Variants in CCDC141 observed in about 807,000 individuals in gnomAD.
CCDC141 encodes coiled-coil domain containing 141.
Under a neutral mutation model 181.0 loss-of-function variants are expected in CCDC141, and 168 were observed. The ratio of observed to expected loss-of-function variants is 0.93; its 90% CI spans 0.82 to 1.05. The LOEUF (loss-of-function observed/expected upper bound fraction) is 1.05. CCDC141 is among the 50% of genes least tolerant of loss of function. The pLI, the probability that CCDC141 is intolerant of heterozygous loss-of-function variation, is 0.00. For synonymous variants in CCDC141, 666 were observed against 642.3 expected (o/e 1.04, Z -0.56); for missense variants, 1,902 against 1,788.5 (o/e 1.06, Z -1.14).
chr2:179,001,653 G>A (rs2041983813), intron 2 of CCDC141: 1 of 152,198 alleles, frequency 6.6e-6, no homozygotes. Context: ...GGAATGGCAG[G>A]ATTAACAGAG....
chr2:178,965,199 T>G (rs1313525994), intron 4 of CCDC141, among the ~76,000 whole-genome samples: 1 of 152,154 alleles, frequency 6.6e-6, no homozygotes, highest in Non-Finnish European at 1.5e-5. Context: ...TGTTCCCCAG[T>G]GGGATGGTTT....
intron 2 of CCDC141, among the ~76,000 whole-genome samples, chr2:178,993,428 T>G (rs1363585744): frequency 1.3e-5 from 2 of 152,078 alleles, no homozygotes; most frequent in Admixed American, 1.3e-4. Flanking sequence ...GAAACTCCCA[T>G]TTTTAAAACC....
chr2:178,988,880 G>C (rs1469239508), intron 2 of CCDC141, among the ~76,000 whole-genome samples: 2 of 152,056 alleles, frequency 1.3e-5, no homozygotes, highest in Non-Finnish European at 2.9e-5. Context: ...TTTCAACAAT[G>C]GTGTCAGGAC....
At chr2:178,958,128 A>C (rs1223071939) in intron 5 of CCDC141, among the ~76,000 whole-genome samples, 1 of 152,236 alleles carries the variant, frequency 6.6e-6, no homozygotes, top group Non-Finnish European at 1.5e-5. Context: ...ACCAGGGTTT[A>C]GAGGGAAGGG....
At chr2:178,821,735 C>T in the CCDC141 span, among the ~76,000 whole-genome samples, 31 of 152,212 alleles carry the variant, frequency 2.0e-4, no homozygotes, top group Admixed American at 6.5e-4. Context: ...GTTAGAATGG[C>T]AATCATTAAA....
intron 2 of CCDC141, among the ~76,000 whole-genome samples, chr2:179,042,901 C>A (rs1270314688): frequency 6.6e-6 from 1 of 151,894 alleles, no homozygotes; most frequent in Admixed American, 6.6e-5. Context: ...CACAAAAAAA[C>A]CTTCAAAAAA....
intron 2 of CCDC141, among the ~76,000 whole-genome samples, chr2:178,984,074 G>A (rs1691583573): frequency 6.6e-6 from 1 of 151,968 alleles, no homozygotes; most frequent in Non-Finnish European, 1.5e-5. Flanking sequence ...AGAAAGGTCG[G>A]GTTACCCTCA....
At position 178,917,362 on chromosome 2, in the gene CCDC141, T is replaced by C. The variant is rs867634125; in HGVS notation, c.1092+1351A>G. Among the ~76,000 whole-genome samples the C allele has an allele frequency of 3.3e-5, 5 of 152,364 alleles. No individual in the cohort carries two copies. The South Asian group carries it at 8.3e-4, about 25-fold the overall frequency. On this transcript the variant is annotated intron_variant, in intron 7 of 23. Transcript: ENST00000443758. ...TCCCAAATGACAAATAATCTGACAA[T>C]AAATCTTTCTTTAACATTTTACCAC...
intron 2 of CCDC141, among the ~76,000 whole-genome samples, chr2:178,999,136 T>C (rs1413618051): frequency 1.3e-5 from 2 of 152,156 alleles, no homozygotes; most frequent in Non-Finnish European, 2.9e-5. Flanking sequence ...TTTTCCGTAT[T>C]GAAAAGCTCC....
intron 2 of CCDC141, among the ~76,000 whole-genome samples, chr2:178,982,727 C>A (rs1395285946): frequency 2.0e-5 from 3 of 152,160 alleles, no homozygotes; most frequent in Non-Finnish European, 4.4e-5. Context: ...AGAATCGGGT[C>A]ACTCCCACCC....
rs553948583 is a variant in CCDC141, at chr2:178,847,593, C to A, written c.3358-1851G>T. Among the ~76,000 whole-genome samples the A allele has an allele frequency of 2.0e-3, 304 of 152,200 alleles. 1 individual carries two copies. Among genetic ancestry groups the A allele is most frequent in the Non-Finnish European group, 3.2e-3 (220 of 68,006 alleles). ...ATAGTGTTAAATATTGTGTGGGACACTAAATTTAGCAGCGCCAGAGGGTTT... is the reference window on the plus strand; with the variant it reads ...ATAGTGTTAAATATTGTGTGGGACAATAAATTTAGCAGCGCCAGAGGGTTT... On this transcript the variant is annotated intron_variant, in intron 21 of 23. Transcript: ENST00000443758.
In CCDC141 at chr2:178,869,110, G is replaced by C; in HGVS notation, c.2394+7C>G. Reference sequence around the variant, plus strand: ...AGGATTTTTCAGACATCCCTTCTAAGCCTTACCTCTTCCTTGACTTGATGG... The same window carrying C: ...AGGATTTTTCAGACATCCCTTCTAACCCTTACCTCTTCCTTGACTTGATGG... On this transcript the variant is annotated splice_region_variant and intron_variant, in intron 15 of 23. Transcript: ENST00000443758. The C allele has an allele frequency of 1.3e-6, 2 of 1,554,226 alleles. No homozygotes were observed. Among genetic ancestry groups the C allele is most frequent in the Non-Finnish European group, 1.7e-6 (2 of 1,155,812 alleles).
chr2:178,948,655 A>T (rs1421179457), intron 5 of CCDC141, among the ~76,000 whole-genome samples: 2 of 152,172 alleles, frequency 1.3e-5, no homozygotes, highest in African/African-American at 4.8e-5. Context: ...CGGACCCCTC[A>T]TGAATAGATT....
intron 2 of CCDC141, among the ~76,000 whole-genome samples, chr2:178,988,063 C>T (rs1228194995): frequency 6.6e-6 from 1 of 151,964 alleles, no homozygotes; most frequent in East Asian, 1.9e-4. Context: ...AGACTTGGAA[C>T]CAACCCAGAT....
At chr2:178,966,695 C>T (rs1001869610) in intron 4 of CCDC141, among the ~76,000 whole-genome samples, 2 of 152,078 alleles carry the variant, frequency 1.3e-5, no homozygotes, top group African/African-American at 4.8e-5. Flanking sequence ...GCTGCTTCTC[C>T]TCCAAAGGAT....
At chr2:178,965,340 G>C (rs2154379370) in intron 4 of CCDC141, among the ~76,000 whole-genome samples, 1 of 152,344 alleles carries the variant, frequency 6.6e-6, no homozygotes, top group South Asian at 2.1e-4. Flanking sequence ...TGGCAAGATA[G>C]CTGAATAGGA....
chr2:178,815,958 A>G, the CCDC141 span, among the ~76,000 whole-genome samples: 3 of 152,210 alleles, frequency 2.0e-5, no homozygotes, highest in Non-Finnish European at 4.4e-5. Flanking sequence ...GTAAGTTTAA[A>G]AAACAGTAAG....
rs375508208 is a variant in CCDC141, at chr2:178,834,001, C to T, written c.*172G>A. ...TACCAAGCTTCTCAAATATATTAAA[C>T]GCTCCAGAAAATTTGATTATTTCAC... On this transcript the variant is annotated 3_prime_UTR_variant, in exon 24 of 24. Transcript: ENST00000443758. The T allele has an allele frequency of 4.8e-5, 31 of 649,382 alleles. No homozygotes were observed. Among genetic ancestry groups the T allele is most frequent in the African/African-American group, 7.3e-5 (4 of 54,678 alleles). The allele number at this position is 649,382 out of a possible 1,614,324, so 40.2% of individuals were successfully genotyped here.
At chr2:179,010,207 A>G (rs551656690) in intron 2 of CCDC141, among the ~76,000 whole-genome samples, 96 of 152,304 alleles carry the variant, frequency 6.3e-4, no homozygotes, top group African/African-American at 2.2e-3. Context: ...AGAAAATTCT[A>G]AAACCTTGGA....
Sources: allele counts gnomAD v4.1 joint callset (sites outside exome capture counted in the v4.1 genomes callset), GRCh38; gene constraint gnomAD v4.1.1; transcripts MANE v1.5; gene names NCBI Gene and HGNC (gene_info 2026-07-23, HGNC 2026-07-21).